The following GRB10 variants were observed in gnomAD, a reference collection of about 807,000 sequenced individuals.
The protein encoded by GRB10 is growth factor receptor bound protein 10.
In GRB10, 20 loss-of-function variants were observed where a neutral mutation model predicts 80.9. That is an observed-to-expected ratio of 0.25 (90% confidence interval 0.17 to 0.36). The LOEUF is 0.36. Among genes scored for constraint, GRB10 ranks in the 10% least tolerant of loss-of-function variants. The pLI, the probability that GRB10 is intolerant of heterozygous loss-of-function variation, is 1.00. For missense variants in GRB10, 548 were observed against 747.7 expected (o/e 0.73, Z 3.12); for synonymous variants, 291 against 291.5 (o/e 1.00, Z 0.02).
intron 3 of GRB10, among the ~76,000 whole-genome samples, chr7:50,754,504 G>T (rs374712356): frequency 6.6e-6 from 1 of 152,102 alleles, no homozygotes; most frequent in Non-Finnish European, 1.5e-5. Context: ...CCTCACTGGC[G>T]CCAGGACCCT....
At chr7:50,662,161 T>C (rs1021056646) in intron 7 of GRB10, among the ~76,000 whole-genome samples, 5 of 152,182 alleles carry the variant, frequency 3.3e-5, no homozygotes, top group Non-Finnish European at 7.3e-5. Flanking sequence ...ACCTTCTCAG[T>C]TGAAGACCAA....
chr7:50,732,346 T>C lies in GRB10; in HGVS notation c.-24A>G, dbSNP rs945496050. The C allele has an allele frequency of 4.4e-6, 7 of 1,608,102 alleles. No homozygotes were observed. The Admixed American group carries it at 8.3e-5, about 19-fold the overall frequency. ...ATGGGTTCCTTCTGCCTTCTTCAAA[T>C]TACATTTACTGCGCTGCAGCACCTG... On this transcript the variant is annotated 5_prime_UTR_variant, in exon 4 of 19. It removes the in-frame stop codon of an upstream open reading frame in the 5' UTR. Coordinates refer to ENST00000401949, the MANE Select transcript of GRB10 (RefSeq NM_001350814.2).
rs199595961 is a variant in GRB10 at position 50,614,799 on chromosome 7, C to T, written c.1066G>A (p.Ala356Thr). Reference sequence around the variant, plus strand: ...ATGCAGAGCCCGTGGTCTGTAGGGGCGTTGTACTGCTTCCTGCCAGCGATC... The same window carrying T: ...ATGCAGAGCCCGTGGTCTGTAGGGGTGTTGTACTGCTTCCTGCCAGCGATC... ...SLIAGRKQYN[A>T]PTDHGLCIKP... Residue 356 changes from alanine (A) to threonine (T), a missense_variant, in exon 12 of 19, where the codon GCC becomes ACC. By Grantham distance (58) the Ala-to-Thr change is moderately conservative (BLOSUM62 0). Around this residue, in one of 4 missense-constraint regions of GRB10, gnomAD observed 270 missense variants for 433.6 expected, o/e 0.62. Transcript: ENST00000401949. 71 of 1,613,694 alleles carry T rather than the reference C, an allele frequency of 4.4e-5. No individual in the cohort carries two copies. In the East Asian group the frequency reaches 1.3e-3, roughly 29 times the overall value.
At chr7:50,718,178 G>A (rs1256489971) in intron 4 of GRB10, among the ~76,000 whole-genome samples, 5 of 152,218 alleles carry the variant, frequency 3.3e-5, no homozygotes, top group African/African-American at 1.2e-4. Context: ...GGGGATCCAA[G>A]CTCCCTCAAA....
intron 2 of GRB10, chr7:50,778,995 C>T (rs1018945707): frequency 6.6e-6 from 1 of 152,184 alleles, no homozygotes; most frequent in African/African-American, 2.4e-5. Flanking sequence ...AAGCAGGACA[C>T]TGTACAAATA....
At chr7:50,744,052 C>T (rs892881847) in intron 3 of GRB10, among the ~76,000 whole-genome samples, 3 of 151,994 alleles carry the variant, frequency 2.0e-5, no homozygotes, top group Non-Finnish European at 2.9e-5. Context: ...CTTCTCAAGC[C>T]GCATTCACCG....
At chr7:50,673,862 G>A (rs888571960) in intron 6 of GRB10, among the ~76,000 whole-genome samples, 2 of 152,120 alleles carry the variant, frequency 1.3e-5, no homozygotes, top group Non-Finnish European at 2.9e-5. Flanking sequence ...ATCTATCTGA[G>A]CTCCTATCAC....
chr7:50,665,321 T>C (rs2059686835), intron 7 of GRB10, among the ~76,000 whole-genome samples: 1 of 152,214 alleles, frequency 6.6e-6, no homozygotes, highest in Admixed American at 6.5e-5. Flanking sequence ...GGCTTAAATA[T>C]TAACAAGCCA....
chr7:50,701,258 G>A (rs1417417775), intron 5 of GRB10, among the ~76,000 whole-genome samples: 2 of 152,144 alleles, frequency 1.3e-5, no homozygotes, highest in Non-Finnish European at 2.9e-5. Flanking sequence ...TATGTGCCCT[G>A]TTTCCCTAGT....
chr7:50,780,767 A>C (rs2078195356), intron 1 of GRB10, 31 bp from the exon 2 acceptor site: 2 of 152,220 alleles, frequency 1.3e-5, no homozygotes, highest in African/African-American at 2.4e-5. Flanking sequence ...TTCTAGTCCA[A>C]GCGAGTTTCC....
chr7:50,653,322 G>A (rs947520864), intron 7 of GRB10, among the ~76,000 whole-genome samples: 5 of 152,120 alleles, frequency 3.3e-5, no homozygotes, highest in African/African-American at 1.2e-4. Flanking sequence ...ATGAAGCCGG[G>A]AACAGCCACA....
chr7:50,773,074 G>A (rs1319461051), intron 2 of GRB10, among the ~76,000 whole-genome samples: 1 of 152,056 alleles, frequency 6.6e-6, no homozygotes, highest in Non-Finnish European at 1.5e-5. Context: ...CATGACAGAA[G>A]GTGAAAGGCA....
intron 7 of GRB10, among the ~76,000 whole-genome samples, chr7:50,642,161 G>A (rs533042345): frequency 6.6e-6 from 1 of 152,240 alleles, no homozygotes; most frequent in Admixed American, 6.5e-5. Context: ...TAAGCAGGAG[G>A]CGGAACCAGC....
intron 1 of GRB10, among the ~76,000 whole-genome samples, chr7:50,790,641 G>A (rs189072306): frequency 1.3e-5 from 2 of 152,226 alleles, no homozygotes; most frequent in Non-Finnish European, 2.9e-5. Context: ...CCTAACCCTA[G>A]ATACAAGCTC....
rs1445818768 is a variant in GRB10, at chr7:50,591,773, A to T, written c.*1179T>A. On this transcript the variant is annotated 3_prime_UTR_variant, in exon 19 of 19. Coordinates refer to ENST00000401949, the MANE Select transcript of GRB10 (RefSeq NM_001350814.2). ...CTAGCTGCTCTGTGTTCACTGGCTT[A>T]TGGGGGTTTTCAGCAGGACGGAGGG... The T allele has an allele frequency of 6.6e-6, 1 of 152,226 alleles. No individual in the cohort carries two copies. The allele number at this position is 152,226 out of a possible 1,614,324, so 9.4% of individuals were successfully genotyped here.
At chr7:50,668,831 G>A (rs2060073778) in intron 7 of GRB10, among the ~76,000 whole-genome samples, 1 of 152,234 alleles carries the variant, frequency 6.6e-6, no homozygotes, top group African/African-American at 2.4e-5. Context: ...CTTGTTGGCT[G>A]TTTGACCTTG....
At chr7:50,719,318 G>C (rs747145940) in intron 4 of GRB10, among the ~76,000 whole-genome samples, 1 of 152,162 alleles carries the variant, frequency 6.6e-6, no homozygotes, top group Non-Finnish European at 1.5e-5. Context: ...CAAGGCAAAA[G>C]AATATCACTG....
rs868058166 is a variant in GRB10, at chr7:50,676,343, G to C, written c.140-1685C>G. Among the ~76,000 whole-genome samples, 254 of 150,128 alleles carry C rather than the reference G, an allele frequency of 1.7e-3. 7 individuals carry two copies. The highest frequency in any genetic ancestry group is 2.6e-3 in the Non-Finnish European group (176 of 67,344). On this transcript the variant is annotated intron_variant, in intron 5 of 18. Transcript: ENST00000401949. ...AATAGTGTCCACCCCACCGGGGGGG[G>C]GGGGGGGTTGTAAGGACTAGGTTAG...
intron 6 of GRB10, among the ~76,000 whole-genome samples, chr7:50,671,655 T>C (rs544242364): frequency 6.6e-6 from 1 of 152,380 alleles, no homozygotes; most frequent in Admixed American, 6.5e-5. Flanking sequence ...GTCTGGCCAT[T>C]GTCATACAGG....
Sources: allele counts gnomAD v4.1 joint callset (sites outside exome capture counted in the v4.1 genomes callset), GRCh38; gene constraint gnomAD v4.1.1; regional missense constraint gnomAD v4.1.1; transcripts MANE v1.5; gene names NCBI Gene and HGNC (gene_info 2026-07-23, HGNC 2026-07-21).